The following TBC1D2 variants were observed in gnomAD, a reference collection of about 807,000 sequenced individuals.
TBC1D2 encodes TBC1 domain family member 2, also known as TBC1 domain family member 2A.
TBC1D2 carries 58 observed loss-of-function variants against 91.1 expected under a neutral mutation model. The ratio of observed to expected loss-of-function variants is 0.64; its 90% CI spans 0.52 to 0.79. The LOEUF (loss-of-function observed/expected upper bound fraction) is 0.79, where lower values mean the gene tolerates loss of function less well. Ranked by LOEUF, TBC1D2 falls within the 30% of genes least tolerant of loss-of-function variation. The pLI is 0.00. For synonymous variants in TBC1D2, 482 were observed against 511.5 expected (o/e 0.94, Z 0.78); for missense variants, 1,080 against 1,208.3 (o/e 0.89, Z 1.57).
chr9:98,252,033 GAAA>G, intron 1 of TBC1D2, 107 bp from the exon 2 acceptor site: 2 of 1,248,104 alleles, frequency 1.6e-6, no homozygotes, highest in East Asian at 3.0e-5. Flanking sequence ...TCTTTCCCAG[GAAA>G]AAAAAAAGGG....
chr9:98,242,721 C>T (rs560175966), intron 3 of TBC1D2, among the ~76,000 whole-genome samples: 1 of 151,454 alleles, frequency 6.6e-6, no homozygotes, highest in South Asian at 2.1e-4. Flanking sequence ...AAACAACTTG[C>T]CAACAGCAGC....
chr9:98,200,303 C>T lies in TBC1D2; in HGVS notation c.2529G>A (p.Leu843=), dbSNP rs766526900. Reference sequence around the variant, plus strand: ...AGAAGCGCAGGTACTGGTAGATTTCCAGGCCATTCTGTAGCCTCAAGATCT... The same window carrying T: ...AGAAGCGCAGGTACTGGTAGATTTCTAGGCCATTCTGTAGCCTCAAGATCT... ...EKEILRLQNG[L]EIYQYLRFFT... is the part of the protein sequence containing the mutation. The change falls in exon 12 of 13, where the codon CTG becomes CTA. Residue 843 remains leucine, a synonymous_variant. Transcript: ENST00000465784. 2 of 1,613,726 alleles carry T rather than the reference C, an allele frequency of 1.2e-6. No homozygotes were observed. Among genetic ancestry groups the T allele is most frequent in the South Asian group, 1.1e-5 (1 of 91,058 alleles).
chr9:98,199,441 G>T lies in TBC1D2; in HGVS notation c.2727C>A (p.Ser909=). The stretch of plus-strand genomic sequence containing the variant: ...AGCCCTCGGACACAGCTCTGCGCCG[G>T]GATGCCCGCCTCTCCAGGTACTCTG... The part of the protein sequence containing the change: ...LKAEYLERRA[S]RRRAVSEGCA... Residue 909 remains serine, a synonymous_variant, in exon 13 of 13, where the codon TCC becomes TCA. Coordinates refer to ENST00000465784, the MANE Select transcript of TBC1D2 (RefSeq NM_001267571.2). The T allele has an allele frequency of 6.2e-7, 1 of 1,614,032 alleles. No individual in the cohort carries two copies.
chr9:98,246,929 G>C (rs1286453396), intron 2 of TBC1D2, among the ~76,000 whole-genome samples: 1 of 152,036 alleles, frequency 6.6e-6, no homozygotes, highest in Non-Finnish European at 1.5e-5. Flanking sequence ...AGGGGTTTGA[G>C]CAGGAGGCTG....
chr9:98,243,154 T>A (rs1381391316), intron 3 of TBC1D2, among the ~76,000 whole-genome samples: 2 of 151,930 alleles, frequency 1.3e-5, no homozygotes. Context: ...AATATATTAT[T>A]AAATAACAAA....
At chr9:98,246,898 A>G (rs1410622163) in intron 2 of TBC1D2, among the ~76,000 whole-genome samples, 1 of 152,104 alleles carries the variant, frequency 6.6e-6, no homozygotes, top group Non-Finnish European at 1.5e-5. Context: ...GGATCTCATC[A>G]CGATGGAAAC....
Position 98,209,106 on chromosome 9 carries a change from T to C in TBC1D2, c.1712A>G (p.Tyr571Cys). The change falls in exon 9 of 13, where the codon TAT becomes TGT. Residue 571 changes from tyrosine to cysteine, a missense_variant. Tyr to Cys is a radical substitution (Grantham distance 194). Coordinates refer to ENST00000465784, the MANE Select transcript of TBC1D2 (RefSeq NM_001267571.2). ...DEYGFLTVPD[Y>C]EVEDLKLLAK... ...CAGCAGCTTCAGGTCTTCCACCTCA[T>C]AGTCGGGCACCGTCAGGAAGCCGTA... 6.2e-7 allele frequency: 1 copy of C among 1,614,030 alleles called. No homozygotes were observed. The highest frequency in any genetic ancestry group is 8.5e-7 in the Non-Finnish European group (1 of 1,179,924).
chr9:98,229,246 C>A (rs1420956378), intron 4 of TBC1D2, 98 bp from the exon 5 acceptor site: 5 of 1,152,236 alleles, frequency 4.3e-6, no homozygotes, highest in African/African-American at 1.5e-5. Flanking sequence ...TGTTAAAATG[C>A]GGATGGTTGG....
intron 3 of TBC1D2, among the ~76,000 whole-genome samples, chr9:98,242,489 C>T (rs1360650118): frequency 1.3e-5 from 2 of 151,250 alleles, no homozygotes; most frequent in East Asian, 3.9e-4. Flanking sequence ...AAGAAACGCC[C>T]AAACAGGATC....
At chr9:98,211,601 C>T (rs1357447898) in intron 7 of TBC1D2, among the ~76,000 whole-genome samples, 3 of 152,156 alleles carry the variant, frequency 2.0e-5, no homozygotes, top group Admixed American at 1.3e-4. Flanking sequence ...TGGGCCACCC[C>T]GAATCCTATC....
At chr9:98,237,844 C>T (rs1210350032) in intron 3 of TBC1D2, among the ~76,000 whole-genome samples, 1 of 151,144 alleles carries the variant, frequency 6.6e-6, no homozygotes, top group East Asian at 1.9e-4. Context: ...ATCTGTAGAT[C>T]AATTTGGGAA....
intron 9 of TBC1D2, among the ~76,000 whole-genome samples, chr9:98,205,761 C>T (rs1828634280): frequency 6.6e-6 from 1 of 152,000 alleles, no homozygotes; most frequent in Admixed American, 6.6e-5. Context: ...CAGGGCTTTG[C>T]CATGTTGTCC....
At chr9:98,199,685 T>C (rs1828434245) in intron 12 of TBC1D2, 97 bp from the exon 13 acceptor site, 3 of 1,352,722 alleles carry the variant, frequency 2.2e-6, no homozygotes, top group Non-Finnish European at 3.2e-6. Context: ...CCTTCTGCCT[T>C]TGTGGCTGAG....
chr9:98,214,703 G>A (rs539523815), intron 6 of TBC1D2, among the ~76,000 whole-genome samples: 1 of 152,216 alleles, frequency 6.6e-6, no homozygotes, highest in African/African-American at 2.4e-5. Context: ...GGTGGTCCTG[G>A]CCCTCCCTGG....
intron 3 of TBC1D2, among the ~76,000 whole-genome samples, chr9:98,233,919 G>A (rs1004070591): frequency 1.3e-5 from 2 of 152,172 alleles, no homozygotes; most frequent in African/African-American, 4.8e-5. Flanking sequence ...GCTTAATATG[G>A]GTGTGTTGAG....
chr9:98,210,984 G>A, intron 7 of TBC1D2, 141 bp from the exon 8 acceptor site: 1 of 799,396 alleles, frequency 1.3e-6, no homozygotes, highest in Non-Finnish European at 2.0e-6. Flanking sequence ...TCGTATAAGG[G>A]AAAGGAGATG....
intron 5 of TBC1D2, among the ~76,000 whole-genome samples, chr9:98,223,025 G>A (rs1170205125): frequency 6.6e-6 from 1 of 152,230 alleles, no homozygotes; most frequent in Non-Finnish European, 1.5e-5. Flanking sequence ...CCTGAGCCAG[G>A]TGCCGTGGCC....
rs1012699582 is a variant in TBC1D2 at position 98,199,361 on chromosome 9, G to A, written c.*20C>T. The A allele has an allele frequency of 2.5e-6, 4 of 1,611,802 alleles. No individual in the cohort carries two copies. The African/African-American group carries it at 4.0e-5, about 16-fold the overall frequency. ...GCCAGCCAAGGGTGAGGAAGGCTGT[G>A]GGGAGGGGAGGTGGCCAAGTCAGGC... On this transcript the variant is annotated 3_prime_UTR_variant, in exon 13 of 13. Transcript: ENST00000465784.
At chr9:98,225,265 G>A (rs78983306) in intron 5 of TBC1D2, among the ~76,000 whole-genome samples, 10,636 of 152,230 alleles carry the variant, frequency 0.07, 539 homozygotes, top group Non-Finnish European at 0.1. Flanking sequence ...AACTCCAAGG[G>A]TCAGTCCCCG....
Sources: gnomAD v4.1 joint callset for allele counts (sites outside exome capture counted in the v4.1 genomes callset) on GRCh38, gnomAD v4.1.1 for gene constraint, MANE v1.5 for transcripts, NCBI Gene and HGNC (gene_info 2026-07-23, HGNC 2026-07-21) for gene names.